COBL: variants seen among roughly 807,000 people sequenced by gnomAD.
The protein encoded by COBL is cordon-bleu WH2 repeat protein, also known as protein cordon-bleu.
A neutral mutation model predicts 98.8 loss-of-function variants in COBL; 51 were observed. The observed-to-expected ratio is 0.52, with a 90% CI of 0.41 to 0.65. The LOEUF is 0.65. Among genes scored for constraint, COBL ranks in the 30% least tolerant of loss-of-function variants. COBL has a pLI of 0.00. For missense variants in COBL, 1,617 were observed against 1,617.5 expected (o/e 1.00, Z 0.01); for synonymous variants, 634 against 651.7 (o/e 0.97, Z 0.41).
intron 1 of COBL, among the ~76,000 whole-genome samples, chr7:51,291,606 C>G (rs1314108370): frequency 6.6e-6 from 1 of 151,872 alleles, no homozygotes; most frequent in Non-Finnish European, 1.5e-5. Flanking sequence ...GCTAAAAATA[C>G]AAAAATTAGC....
chr7:51,057,289 C>T (rs1034202465), intron 7 of COBL, among the ~76,000 whole-genome samples: 1 of 151,496 alleles, frequency 6.6e-6, no homozygotes, highest in African/African-American at 2.4e-5. Flanking sequence ...GGTATGTATG[C>T]ATAGGAAAAA....
intron 7 of COBL, among the ~76,000 whole-genome samples, chr7:51,053,570 G>A (rs1319900738): frequency 1.3e-5 from 2 of 152,242 alleles, no homozygotes; most frequent in Admixed American, 6.5e-5. Flanking sequence ...TCTGAGCCTC[G>A]TCTCTTGCAT....
Position 51,243,570 on chromosome 7 carries a change from C to T in COBL, c.42-23626G>A, listed in dbSNP as rs1371237320. 2.0e-5 allele frequency among the ~76,000 whole-genome samples: 3 copies of T among 152,182 alleles called. No individual in the cohort carries two copies. The East Asian group carries it at 5.8e-4, about 29-fold the overall frequency. On this transcript the variant is annotated intron_variant, in intron 1 of 12. Coordinates refer to ENST00000265136, the MANE Select transcript of COBL (RefSeq NM_015198.5). ...GGTGCACCCGTGCCACGGGCTAGCC[C>T]TCAGCAGGAAAAAGGAGGCAACATA...
At chr7:51,079,116 G>A (rs1793381960) in intron 7 of COBL, among the ~76,000 whole-genome samples, 2 of 152,120 alleles carry the variant, frequency 1.3e-5, no homozygotes, top group Non-Finnish European at 2.9e-5. Context: ...CAGGAGGTGG[G>A]GATCACTGAG....
chr7:51,136,364 C>A, intron 5 of COBL, 33 bp from the exon 6 acceptor site: 1 of 1,593,036 alleles, frequency 6.3e-7, no homozygotes, highest in South Asian at 1.1e-5. Flanking sequence ...AAAACCAAAT[C>A]AGTATGAGAT....
intron 7 of COBL, among the ~76,000 whole-genome samples, chr7:51,062,458 T>C (rs1420308531): frequency 1.3e-5 from 2 of 152,156 alleles, no homozygotes; most frequent in African/African-American, 4.8e-5. Context: ...GTCCCGGCGC[T>C]CGGCTGGCCT....
At chr7:51,058,368 C>A (rs575247999) in intron 7 of COBL, among the ~76,000 whole-genome samples, 1 of 152,040 alleles carries the variant, frequency 6.6e-6, no homozygotes, top group Non-Finnish European at 1.5e-5. Flanking sequence ...AGCAACAAAG[C>A]GAGACCCTGT....
At chr7:51,179,740 T>C (rs1788752597) in intron 5 of COBL, among the ~76,000 whole-genome samples, 1 of 152,156 alleles carries the variant, frequency 6.6e-6, no homozygotes, top group Admixed American at 6.5e-5. Context: ...TTTCTGATAA[T>C]TTTGGAGATC....
intron 6 of COBL, among the ~76,000 whole-genome samples, chr7:51,124,570 T>C (rs536980774): frequency 2.8e-4 from 42 of 152,286 alleles, no homozygotes; most frequent in Non-Finnish European, 3.1e-4. Flanking sequence ...CTAATGTTGC[T>C]AGTGGGAACT....
chr7:51,285,355 T>C (rs79374102), intron 1 of COBL, among the ~76,000 whole-genome samples: 2,191 of 146,866 alleles, frequency 0.015, 48 homozygotes, highest in African/African-American at 0.052. Flanking sequence ...TAGACATACA[T>C]AGCAAATCCC....
chr7:51,110,718 C>G (rs2128976589), intron 6 of COBL, among the ~76,000 whole-genome samples: 1 of 152,276 alleles, frequency 6.6e-6, no homozygotes, highest in East Asian at 1.9e-4. Context: ...TCCCCAAAGT[C>G]CACTGTATCA....
At chr7:51,260,839 C>G (rs1034293882) in intron 1 of COBL, among the ~76,000 whole-genome samples, 4 of 152,140 alleles carry the variant, frequency 2.6e-5, no homozygotes, top group African/African-American at 9.7e-5. Flanking sequence ...GGCAGAAACC[C>G]TCAGAGGACT....
chr7:51,249,786 G>C (rs1490225650), intron 1 of COBL, among the ~76,000 whole-genome samples: 1 of 152,142 alleles, frequency 6.6e-6, no homozygotes, highest in African/African-American at 2.4e-5. Flanking sequence ...CCTCTGCAGA[G>C]CTGGCTGTGA....
chr7:51,216,466 T>C (rs1025671587), intron 2 of COBL, among the ~76,000 whole-genome samples: 1 of 152,198 alleles, frequency 6.6e-6, no homozygotes, highest in Non-Finnish European at 1.5e-5. Flanking sequence ...CCACTGCACC[T>C]GACCAAAAGA....
chr7:51,129,650 A>C (rs1164388093), intron 6 of COBL, among the ~76,000 whole-genome samples: 1 of 152,094 alleles, frequency 6.6e-6, no homozygotes, highest in African/African-American at 2.4e-5. Flanking sequence ...AAACCAGGGA[A>C]GGGGGCAGTT....
intron 1 of COBL, among the ~76,000 whole-genome samples, chr7:51,243,762 C>G (rs565972606): frequency 6.6e-6 from 1 of 152,004 alleles, no homozygotes; most frequent in African/African-American, 2.4e-5. Flanking sequence ...GAGGAGGTGG[C>G]TGTGCCTGAA....
At chr7:51,053,254 T>C (rs922584084) in intron 7 of COBL, among the ~76,000 whole-genome samples, 1 of 152,248 alleles carries the variant, frequency 6.6e-6, no homozygotes, top group East Asian at 1.9e-4. Context: ...TGAAATTCAC[T>C]GTGATTTAAA....
At chr7:51,041,156 G>A (rs1006475727) in intron 8 of COBL, among the ~76,000 whole-genome samples, 1 of 152,210 alleles carries the variant, frequency 6.6e-6, no homozygotes, top group Non-Finnish European at 1.5e-5. Flanking sequence ...GGGTAGGCAG[G>A]AAGGAACCAG....
intron 1 of COBL, among the ~76,000 whole-genome samples, chr7:51,241,970 A>G (rs1390324843): frequency 2.0e-5 from 3 of 152,078 alleles, no homozygotes; most frequent in Non-Finnish European, 4.4e-5. Flanking sequence ...TTGCACTCCC[A>G]AGTAACAAAA....
Sources: allele counts gnomAD v4.1 joint callset (sites outside exome capture counted in the v4.1 genomes callset), GRCh38; gene constraint gnomAD v4.1.1; transcripts MANE v1.5; gene names NCBI Gene and HGNC (gene_info 2026-07-23, HGNC 2026-07-21).